Variants in GPR158 observed in about 807,000 individuals in gnomAD.
GPR158 encodes the protein G protein-coupled receptor 158.
GPR158 carries 30 observed loss-of-function variants against 78.2 expected under a neutral mutation model. The ratio of observed to expected loss-of-function variants is 0.38; its 90% CI spans 0.29 to 0.52. GPR158 has a LOEUF of 0.52. Among genes scored for constraint, GPR158 ranks in the 20% least tolerant of loss-of-function variants. The pLI is 0.83. For synonymous variants in GPR158, 581 were observed against 591.1 expected, an observed-to-expected ratio of 0.98 and a Z score of 0.25; for missense variants, 1,463 against 1,523.5, an observed-to-expected ratio of 0.96 and a Z score of 0.66.
intron 2 of GPR158, among the ~76,000 whole-genome samples, chr10:25,240,184 G>T (rs36046294): frequency 6.6e-6 from 1 of 152,140 alleles, no homozygotes; most frequent in East Asian, 1.9e-4. Flanking sequence ...GGCACCATAC[G>T]TATCAAATAA....
At chr10:25,556,435 T>C (rs531837337) in intron 6 of GPR158, among the ~76,000 whole-genome samples, 3 of 152,318 alleles carry the variant, frequency 2.0e-5, no homozygotes, top group Admixed American at 2.0e-4. Context: ...GCATTCTGAC[T>C]AGAAAATGGA....
intron 2 of GPR158, among the ~76,000 whole-genome samples, chr10:25,233,427 G>A (rs79228425): frequency 0.011 from 1,656 of 152,202 alleles, 16 homozygotes; most frequent in Middle Eastern, 0.037. Flanking sequence ...ATCACCTGGA[G>A]GAGATTCTAT....
intron 2 of GPR158, among the ~76,000 whole-genome samples, chr10:25,228,094 G>A (rs1028665149): frequency 2.0e-5 from 3 of 152,028 alleles, no homozygotes; most frequent in Non-Finnish European, 2.9e-5. Flanking sequence ...GGAACATAGC[G>A]AGACCCTGTC....
chr10:25,188,506 A>G (rs1431325651), intron 1 of GPR158, among the ~76,000 whole-genome samples: 1 of 152,216 alleles, frequency 6.6e-6, no homozygotes, highest in Non-Finnish European at 1.5e-5. Flanking sequence ...GATCTTTGAC[A>G]AACCTGACAA....
chr10:25,241,143 T>TTC (rs1491447162), intron 2 of GPR158, among the ~76,000 whole-genome samples: 2 of 102,492 alleles, frequency 2.0e-5, no homozygotes, highest in African/African-American at 8.8e-5. Flanking sequence ...CTTTCTTTCT[T>TTC]TCTTTCTTTC....
At position 25,544,897 on chromosome 10, in the gene GPR158, CCTCT is replaced by C. The variant is rs1836642016; in HGVS notation, c.1405-6076_1405-6073del. Reference sequence around the variant, plus strand: ...GACAGGCCCTGGTGTATGATACTCCCCTCTCTGTGTCCATGTGTTCTCACTGTTC... The same window carrying C: ...GACAGGCCCTGGTGTATGATACTCCCCTGTGTCCATGTGTTCTCACTGTTC... On this transcript the variant is annotated intron_variant, in intron 5 of 10. Coordinates refer to ENST00000376351, the MANE Select transcript of GPR158 (RefSeq NM_020752.3). Among the ~76,000 whole-genome samples the C allele has an allele frequency of 1.3e-5, 2 of 152,210 alleles. 1 individual carries two copies. The highest frequency in any genetic ancestry group is 3.9e-4 in the East Asian group (2 of 5,180).
chr10:25,592,235 G>A (rs1419478056), intron 8 of GPR158, among the ~76,000 whole-genome samples: 1 of 151,808 alleles, frequency 6.6e-6, no homozygotes, highest in Non-Finnish European at 1.5e-5. Context: ...ATTATATACA[G>A]ATTTACCTTT....
rs186098503 is a variant in GPR158, at chr10:25,492,347, A to G, written c.1404+25628A>G. On this transcript the variant is annotated intron_variant, in intron 5 of 10. Coordinates refer to ENST00000376351, the MANE Select transcript of GPR158 (RefSeq NM_020752.3). ...TGGTGAATTTCTTCCATGAGAAACA[A>G]TCCCTTGCTTACAGACTTTCCCCCA... is the stretch of plus-strand genomic sequence containing the variant. Among the ~76,000 whole-genome samples the G allele has an allele frequency of 4.6e-3, 695 of 152,142 alleles. 7 individuals carry two copies. Among genetic ancestry groups the G allele is most frequent in the Non-Finnish European group, 7.4e-3 (500 of 67,996 alleles).
At chr10:25,579,925 C>T (rs1049981984) in intron 7 of GPR158, among the ~76,000 whole-genome samples, 3 of 152,190 alleles carry the variant, frequency 2.0e-5, no homozygotes, top group Non-Finnish European at 2.9e-5. Flanking sequence ...TAGCCTAACT[C>T]TTCTTAACAG....
At chr10:25,284,885 AT>A (rs994910136) in intron 2 of GPR158, among the ~76,000 whole-genome samples, 3 of 151,954 alleles carry the variant, frequency 2.0e-5, no homozygotes, top group African/African-American at 7.2e-5. Flanking sequence ...ACTTTATAGC[AT>A]TTTTTTCCTA....
chr10:25,212,444 C>A (rs35550332), intron 1 of GPR158, among the ~76,000 whole-genome samples: 2,406 of 152,186 alleles, frequency 0.016, 38 homozygotes, highest in Middle Eastern at 0.027. Context: ...CACCCCCCAC[C>A]AGGCCCCACC....
intron 2 of GPR158, among the ~76,000 whole-genome samples, chr10:25,231,195 G>A (rs117960108): frequency 0.011 from 1,630 of 152,250 alleles, 9 homozygotes; most frequent in Middle Eastern, 0.024. Context: ...AGGAGTTGAT[G>A]TCCAGTTACC....
chr10:25,423,864 T>C (rs1834786058), intron 4 of GPR158, among the ~76,000 whole-genome samples: 2 of 152,258 alleles, frequency 1.3e-5, no homozygotes, highest in Admixed American at 1.3e-4. Flanking sequence ...TGTGTCTTTA[T>C]AGTAACATGA....
Position 25,520,420 on chromosome 10 carries a change from A to G in GPR158, c.1405-30556A>G, listed in dbSNP as rs989361060. ...AGCTTTGTTCTGTTGCTGGTGAGGA[A>G]CTGCGTTCCTTTGGAGGAGGAGAGG... On this transcript the variant is annotated intron_variant, in intron 5 of 10. Transcript: ENST00000376351. Among the ~76,000 whole-genome samples the G allele has an allele frequency of 9.7e-4, 146 of 150,222 alleles. 4 individuals carry two copies. The East Asian group carries it at 0.026, about 27-fold the overall frequency.
At chr10:25,548,052 G>A (rs997449976) in intron 5 of GPR158, among the ~76,000 whole-genome samples, 8 of 152,026 alleles carry the variant, frequency 5.3e-5, no homozygotes, top group African/African-American at 1.7e-4. Flanking sequence ...TATTGAATAT[G>A]TCAATTAGGA....
intron 3 of GPR158, 75 bp from the exon 4 acceptor site, chr10:25,412,175 G>A: frequency 1.0e-6 from 1 of 960,038 alleles, no homozygotes; most frequent in Non-Finnish European, 1.7e-6. Flanking sequence ...AGTCACGGAT[G>A]TCTTTTGACT....
chr10:25,346,732 A>G (rs971219637), intron 2 of GPR158, among the ~76,000 whole-genome samples: 1 of 151,992 alleles, frequency 6.6e-6, no homozygotes, highest in Admixed American at 6.6e-5. Flanking sequence ...AACTTTTGCA[A>G]AAATGAAGGA....
intron 5 of GPR158, among the ~76,000 whole-genome samples, chr10:25,474,285 G>A (rs1835550466): frequency 6.6e-6 from 1 of 152,028 alleles, no homozygotes; most frequent in Non-Finnish European, 1.5e-5. Context: ...AAAATAATAA[G>A]TCAATGTTGT....
intron 2 of GPR158, among the ~76,000 whole-genome samples, chr10:25,299,195 T>G (rs529329851): frequency 1.3e-5 from 2 of 152,304 alleles, no homozygotes; most frequent in African/African-American, 4.8e-5. Context: ...TACAGTCAGG[T>G]AAATTAACAT....
Sources: allele counts gnomAD v4.1 joint callset (sites outside exome capture counted in the v4.1 genomes callset), GRCh38; gene constraint gnomAD v4.1.1; transcripts MANE v1.5; gene names NCBI Gene and HGNC (gene_info 2026-07-23, HGNC 2026-07-21).